NBAS: variants seen among roughly 807,000 people sequenced by gnomAD.
NBAS encodes the protein NAG/BC035112 fusion.
Under a neutral mutation model 302.5 loss-of-function variants are expected in NBAS, and 219 were observed. The ratio of observed to expected loss-of-function variants is 0.72; its 90% confidence interval spans 0.65 to 0.81. NBAS has a LOEUF of 0.81. Ranked by LOEUF, NBAS falls within the 30% of genes least tolerant of loss-of-function variation. The pLI, the probability that NBAS is intolerant of heterozygous loss-of-function variation, is 0.00. For synonymous variants in NBAS, 1,118 were observed against 1,021.6 expected, an observed-to-expected ratio of 1.09 and a Z score of -1.80; for missense variants, 2,932 against 2,841.6, an observed-to-expected ratio of 1.03 and a Z score of -0.72.
chr2:14,819,400 G>A, the NBAS span, among the ~76,000 whole-genome samples: 1 of 152,192 alleles, frequency 6.6e-6, no homozygotes, highest in Admixed American at 6.5e-5. Flanking sequence ...AGGATTTCCA[G>A]TTGACTCTTT....
intron 44 of NBAS, among the ~76,000 whole-genome samples, chr2:15,255,448 T>C (rs1220114790): frequency 2.0e-5 from 3 of 152,340 alleles, no homozygotes; most frequent in East Asian, 3.9e-4. Flanking sequence ...GAGTTCCTTG[T>C]AGATTCTGGA....
At chr2:15,047,946 G>A in the NBAS span, among the ~76,000 whole-genome samples, 193 of 152,350 alleles carry the variant, frequency 1.3e-3, 1 homozygote, top group African/African-American at 4.5e-3. Flanking sequence ...AACGTTCATC[G>A]GTTGCTTTGG....
At chr2:14,860,490 T>G in the NBAS span, among the ~76,000 whole-genome samples, 1 of 152,182 alleles carries the variant, frequency 6.6e-6, no homozygotes, top group Non-Finnish European at 1.5e-5. Flanking sequence ...CAATGGAATA[T>G]TTCTCATCCA....
intron 11 of NBAS, among the ~76,000 whole-genome samples, chr2:15,497,211 C>A (rs1681104545): frequency 6.6e-6 from 1 of 152,154 alleles, no homozygotes; most frequent in Non-Finnish European, 1.5e-5. Flanking sequence ...TTGATTCTGT[C>A]ATCATTCTTA....
At chr2:15,015,280 C>A in the NBAS span, among the ~76,000 whole-genome samples, 1 of 151,876 alleles carries the variant, frequency 6.6e-6, no homozygotes, top group Non-Finnish European at 1.5e-5. Context: ...CCTCATTTTA[C>A]AAGGCCAGCA....
chr2:14,811,499 T>C, the NBAS span, among the ~76,000 whole-genome samples: 1 of 152,182 alleles, frequency 6.6e-6, no homozygotes, highest in African/African-American at 2.4e-5. Flanking sequence ...CCAAAGGATA[T>C]TTGGTGATAT....
At chr2:15,375,966 A>G (rs1334245097) in intron 30 of NBAS, among the ~76,000 whole-genome samples, 1 of 152,190 alleles carries the variant, frequency 6.6e-6, no homozygotes, top group Non-Finnish European at 1.5e-5. Flanking sequence ...GAATTTATTC[A>G]TGATTTAAGA....
chr2:15,366,629 A>G lies in NBAS; in HGVS notation c.3768T>C (p.Tyr1256=), dbSNP rs1383374675. The change falls in exon 32 of 52, where the codon TAT becomes TAC. Residue 1256 remains tyrosine, a synonymous_variant. Transcript: ENST00000281513. The stretch of plus-strand genomic sequence containing the variant: ...GGCCCAGAAGCTTGGTGGATTGTTT[A>G]TAGCATGTGGGGGACTGGGAAATAC... ...KECISQSPTC[Y]KQSTKLLGLA... The G allele has an allele frequency of 2.5e-6, 4 of 1,614,138 alleles. No individual in the cohort carries two copies. The highest frequency in any genetic ancestry group is 3.4e-6 in the Non-Finnish European group (4 of 1,179,998).
chr2:15,246,527 T>G (rs533475626), intron 44 of NBAS, among the ~76,000 whole-genome samples: 14 of 152,266 alleles, frequency 9.2e-5, no homozygotes, highest in Non-Finnish European at 1.5e-4. Context: ...GTTCTCAACA[T>G]GTCCCTGGAA....
At chr2:15,073,976 A>T in the NBAS span, among the ~76,000 whole-genome samples, 228 of 152,346 alleles carry the variant, frequency 1.5e-3, 4 homozygotes, top group African/African-American at 4.7e-3. Context: ...CAATGATTTT[A>T]TAGTTCATTG....
chr2:15,366,614 C>G lies in NBAS; in HGVS notation c.3783G>C (p.Lys1261Asn), dbSNP rs751064539. Residue 1261 changes from lysine (K) to asparagine (N), a missense_variant, in exon 32 of 52, where the codon AAG becomes AAC. By Grantham distance (94) the Lys-to-Asn change is moderately conservative. Coordinates refer to ENST00000281513, the MANE Select transcript of NBAS (RefSeq NM_015909.4). ...QSPTCYKQST[K>N]LLGLAELLRV... The stretch of plus-strand genomic sequence containing the variant: ...TCAGCAGCTCAGCAAGGCCCAGAAG[C>G]TTGGTGGATTGTTTATAGCATGTGG... The G allele has an allele frequency of 6.2e-7, 1 of 1,614,120 alleles. No homozygotes were observed. Among genetic ancestry groups the G allele is most frequent in the Non-Finnish European group, 8.5e-7 (1 of 1,179,994 alleles).
At chr2:15,345,663 T>C (rs1008992921) in intron 35 of NBAS, among the ~76,000 whole-genome samples, 5 of 152,214 alleles carry the variant, frequency 3.3e-5, no homozygotes, top group Non-Finnish European at 7.3e-5. Context: ...TACTTTAAAT[T>C]TCATATGGAA....
the NBAS span, among the ~76,000 whole-genome samples, chr2:15,065,983 A>G: frequency 6.0e-4 from 92 of 152,312 alleles, 1 homozygote; most frequent in African/African-American, 2.1e-3. Flanking sequence ...TTCAAAATAT[A>G]TTACAAAGTT....
At chr2:14,849,330 G>A in the NBAS span, among the ~76,000 whole-genome samples, 627 of 152,066 alleles carry the variant, frequency 4.1e-3, 1 homozygote, top group Middle Eastern at 0.037. Context: ...AAGGGTATCA[G>A]CAATGGAAGA....
At chr2:15,191,273 A>G (rs938790974) in intron 48 of NBAS, among the ~76,000 whole-genome samples, 5 of 152,184 alleles carry the variant, frequency 3.3e-5, no homozygotes, top group Non-Finnish European at 7.3e-5. Context: ...TACATGCTAC[A>G]TTGTCTGCAC....
the NBAS span, among the ~76,000 whole-genome samples, chr2:14,783,525 G>A: frequency 1.5e-5 from 2 of 133,554 alleles, no homozygotes; most frequent in East Asian, 2.3e-4. Flanking sequence ...CTGTATCCAT[G>A]TGTTCTCATT....
At chr2:15,292,902 A>G (rs1670375910) in intron 40 of NBAS, 136 bp from the exon 41 acceptor site, 1 of 879,062 alleles carries the variant, frequency 1.1e-6, no homozygotes, top group Admixed American at 2.1e-5. Context: ...AAGGCTCACA[A>G]CGGCCCTGAA....
intron 12 of NBAS, among the ~76,000 whole-genome samples, chr2:15,485,608 T>A (rs1680591682): frequency 6.6e-6 from 1 of 152,214 alleles, no homozygotes; most frequent in South Asian, 2.1e-4. Context: ...TAAATGTAGT[T>A]AGGGTAAATT....
At chr2:15,459,084 T>C (rs369540792) in intron 21 of NBAS, among the ~76,000 whole-genome samples, 4 of 152,212 alleles carry the variant, frequency 2.6e-5, no homozygotes, top group East Asian at 1.9e-4. Context: ...AGTGTGGCAT[T>C]GGGTACTGTG....
Sources: allele counts gnomAD v4.1 joint callset (sites outside exome capture counted in the v4.1 genomes callset), GRCh38; gene constraint gnomAD v4.1.1; transcripts MANE v1.5; gene names NCBI Gene and HGNC (gene_info 2026-07-23, HGNC 2026-07-21).